PDE4D: variants seen among roughly 807,000 people sequenced by gnomAD.
PDE4D encodes the protein phosphodiesterase 4D.
PDE4D carries 24 observed loss-of-function variants against 87.4 expected under a neutral mutation model. That is an observed-to-expected ratio of 0.27 (90% CI 0.20 to 0.39). PDE4D has a LOEUF of 0.39. Among genes scored for constraint, PDE4D ranks in the 10% least tolerant of loss-of-function variants. The pLI is 1.00. For synonymous variants in PDE4D, 384 were observed against 383.2 expected (o/e 1.00, Z -0.02); for missense variants, 714 against 1,041.0 (o/e 0.69, Z 4.32).
At chr5:59,915,959 T>C (rs1753990547) in intron 3 of PDE4D, among the ~76,000 whole-genome samples, 2 of 152,224 alleles carry the variant, frequency 1.3e-5, no homozygotes, top group Admixed American at 6.5e-5. Flanking sequence ...TGAATATTTC[T>C]ACAAAAGTAA....
intron 1 of PDE4D, among the ~76,000 whole-genome samples, chr5:59,354,949 G>A (rs1465755665): frequency 6.6e-6 from 1 of 152,070 alleles, no homozygotes; most frequent in Non-Finnish European, 1.5e-5. Context: ...TTATTCTGTG[G>A]GAAATTGTAT....
At chr5:60,049,781 A>G (rs4604149) in intron 2 of PDE4D, among the ~76,000 whole-genome samples, 78,445 of 151,978 alleles carry the variant, frequency 0.52, 20,863 homozygotes, top group East Asian at 0.83. Context: ...CTGTCAGACA[A>G]GGACATTTAA....
chr5:60,474,066 C>T (rs1428987439), intron 1 of PDE4D, among the ~76,000 whole-genome samples: 1 of 134,376 alleles, frequency 7.4e-6, no homozygotes, highest in Non-Finnish European at 1.6e-5. Context: ...AGGTGTTGAC[C>T]TCTGTGTCTG....
chr5:60,487,426 T>A (rs1749238607), intron 1 of PDE4D, among the ~76,000 whole-genome samples: 1 of 152,240 alleles, frequency 6.6e-6, no homozygotes. Context: ...GTGTATGTCT[T>A]CAATTGGCTG....
At chr5:60,219,869 C>T (rs1466613614) in intron 1 of PDE4D, among the ~76,000 whole-genome samples, 1 of 152,150 alleles carries the variant, frequency 6.6e-6, no homozygotes, top group Admixed American at 6.5e-5. Flanking sequence ...TCAGTAAGTC[C>T]ACTATTTACT....
In PDE4D at chr5:58,989,836, A is replaced by C. The variant is rs546266735; in HGVS notation, c.1371T>G (p.Ala457=). 46 of 1,601,826 alleles carry C rather than the reference A, an allele frequency of 2.9e-5. 1 individual carries two copies. The South Asian group carries it at 4.7e-4, about 16-fold the overall frequency. ...YLMTLEDHYH[A]DVAYHNNIHA... Reference sequence around the variant, plus strand: ...GGATATTGTTGTGATAGGCCACATCAGCATGGTAATGGTCTTCGAGAGTCA... The same window carrying C: ...GGATATTGTTGTGATAGGCCACATCCGCATGGTAATGGTCTTCGAGAGTCA... Residue 457 remains alanine, a synonymous_variant, in exon 10 of 15, where the codon GCT becomes GCG. Coordinates refer to ENST00000340635, the MANE Select transcript of PDE4D (RefSeq NM_001104631.2).
At chr5:59,406,833 C>T (rs78686049) in intron 1 of PDE4D, among the ~76,000 whole-genome samples, 14,221 of 152,110 alleles carry the variant, frequency 0.093, 889 homozygotes, top group Non-Finnish European at 0.13. Flanking sequence ...TCTAGGGCTA[C>T]GAAGTTTATT....
At chr5:60,421,247 C>A (rs186204672) in intron 1 of PDE4D, among the ~76,000 whole-genome samples, 20 of 152,346 alleles carry the variant, frequency 1.3e-4, no homozygotes, top group Middle Eastern at 3.4e-3. Flanking sequence ...GGGTCCCTGA[C>A]CCCCACATAG....
At chr5:59,973,958 CA>C (rs1354927012) in intron 3 of PDE4D, among the ~76,000 whole-genome samples, 1 of 152,112 alleles carries the variant, frequency 6.6e-6, no homozygotes, top group Non-Finnish European at 1.5e-5. Context: ...ACAACTCTAT[CA>C]AATAGCCTTA....
At chr5:60,298,622 A>G (rs1753621471) in intron 1 of PDE4D, among the ~76,000 whole-genome samples, 1 of 152,152 alleles carries the variant, frequency 6.6e-6, no homozygotes, top group Non-Finnish European at 1.5e-5. Flanking sequence ...TTTCACATCA[A>G]TTTTAGCTCT....
chr5:59,169,037 T>C (rs1033532334), intron 5 of PDE4D, among the ~76,000 whole-genome samples: 1 of 152,136 alleles, frequency 6.6e-6, no homozygotes, highest in African/African-American at 2.4e-5. Flanking sequence ...ATTAATAATA[T>C]ATCCAACTGA....
intron 2 of PDE4D, among the ~76,000 whole-genome samples, chr5:60,141,849 T>G (rs781722248): frequency 3.7e-4 from 56 of 152,196 alleles, no homozygotes; most frequent in Non-Finnish European, 6.8e-4. Context: ...AGAAGACATC[T>G]AACCAAAATA....
intron 2 of PDE4D, among the ~76,000 whole-genome samples, chr5:59,214,077 C>CA (rs1554099841): frequency 2.9e-5 from 4 of 140,010 alleles, no homozygotes; most frequent in African/African-American, 8.0e-5. Context: ...CACACACACA[C>CA]AACCATTCTA....
chr5:59,860,225 G>C (rs1746054787), intron 1 of PDE4D, among the ~76,000 whole-genome samples: 2 of 152,094 alleles, frequency 1.3e-5, no homozygotes, highest in African/African-American at 4.8e-5. Flanking sequence ...AATCAGCCTG[G>C]GGCCCATGGA....
At chr5:59,565,886 C>G (rs1201948981) in intron 1 of PDE4D, among the ~76,000 whole-genome samples, 1 of 151,990 alleles carries the variant, frequency 6.6e-6, no homozygotes, top group African/African-American at 2.4e-5. Flanking sequence ...TGGGGAGACA[C>G]CAAGACAGCA....
At chr5:59,814,035 T>G (rs1768688733) in intron 1 of PDE4D, among the ~76,000 whole-genome samples, 2 of 152,224 alleles carry the variant, frequency 1.3e-5, no homozygotes, top group Admixed American at 6.5e-5. Flanking sequence ...GAAGACGAGA[T>G]AATTTAGCGA....
chr5:59,864,446 C>T (rs984753417), intron 1 of PDE4D, among the ~76,000 whole-genome samples: 1 of 152,206 alleles, frequency 6.6e-6, no homozygotes, highest in African/African-American at 2.4e-5. Flanking sequence ...TTAATCAACA[C>T]ATTAAAATAG....
At chr5:59,728,233 AG>A (rs1273860826) in intron 1 of PDE4D, among the ~76,000 whole-genome samples, 5 of 152,102 alleles carry the variant, frequency 3.3e-5, no homozygotes, top group Non-Finnish European at 5.9e-5. Context: ...CCGACTCTAA[AG>A]TTCATGGTAA....
chr5:59,224,618 A>G (rs1370606039), intron 1 of PDE4D, among the ~76,000 whole-genome samples: 1 of 152,172 alleles, frequency 6.6e-6, no homozygotes, highest in African/African-American at 2.4e-5. Flanking sequence ...TTCCCCTATA[A>G]TTCATATGTT....
Sources: allele counts gnomAD v4.1 joint callset (sites outside exome capture counted in the v4.1 genomes callset), GRCh38; gene constraint gnomAD v4.1.1; transcripts MANE v1.5; gene names NCBI Gene and HGNC (gene_info 2026-07-23, HGNC 2026-07-21).